ZBTB16: variants seen among roughly 807,000 people sequenced by gnomAD.
ZBTB16 encodes the protein zinc finger and BTB domain containing 16, also known as zinc finger and BTB domain-containing protein 16.
Under a neutral mutation model 56.8 loss-of-function variants are expected in ZBTB16, and 8 were observed. The observed-to-expected ratio is 0.14, with a 90% CI of 0.08 to 0.25. The LOEUF is 0.25. Among genes scored for constraint, ZBTB16 ranks in the 10% least tolerant of loss-of-function variants. The pLI is 1.00. For synonymous variants in ZBTB16, 363 were observed against 368.5 expected, an observed-to-expected ratio of 0.98 and a Z score of 0.17; for missense variants, 625 against 903.0, an observed-to-expected ratio of 0.69 and a Z score of 3.95.
intron 5 of ZBTB16, 29 bp downstream of exon 5, chr11:114,242,366 T>G (rs1294397504): frequency 6.2e-7 from 1 of 1,611,040 alleles, no homozygotes; most frequent in East Asian, 2.2e-5. Flanking sequence ...TGGGTGGATC[T>G]GGGTCTCTGG....
intron 2 of ZBTB16, among the ~76,000 whole-genome samples, chr11:114,074,641 C>T (rs1019250366): frequency 2.0e-5 from 3 of 152,230 alleles, no homozygotes; most frequent in Non-Finnish European, 2.9e-5. Flanking sequence ...GCATCATAAC[C>T]CACTAATGGG....
chr11:114,095,248 T>TTCTTTC (rs1327021438), intron 2 of ZBTB16, among the ~76,000 whole-genome samples: 9 of 102,922 alleles, frequency 8.7e-5, no homozygotes, highest in Non-Finnish European at 1.4e-4. Flanking sequence ...TTCTTTTCTT[T>TTCTTTC]TTTTTTTTTT....
chr11:114,232,653 G>T (rs1481242931), intron 4 of ZBTB16, among the ~76,000 whole-genome samples: 1 of 152,220 alleles, frequency 6.6e-6, no homozygotes, highest in Admixed American at 6.5e-5. Context: ...AGCTGGGCTA[G>T]GTTAGGCTAC....
chr11:114,154,386 C>T (rs947884172), intron 2 of ZBTB16, among the ~76,000 whole-genome samples: 3 of 152,160 alleles, frequency 2.0e-5, no homozygotes, highest in Admixed American at 6.5e-5. Context: ...TGACTGTGTG[C>T]GAGTTCACCT....
At chr11:114,073,302 A>T (rs533550326) in intron 2 of ZBTB16, among the ~76,000 whole-genome samples, 94 of 152,310 alleles carry the variant, frequency 6.2e-4, no homozygotes, top group African/African-American at 2.2e-3. Context: ...GCTTCTAGTG[A>T]TAGAGGCCTT....
intron 2 of ZBTB16, among the ~76,000 whole-genome samples, chr11:114,144,150 C>G (rs1380774524): frequency 6.6e-6 from 1 of 151,460 alleles, no homozygotes; most frequent in African/African-American, 2.4e-5. Flanking sequence ...GCACACAATC[C>G]CCTTTCTCTG....
intron 3 of ZBTB16, among the ~76,000 whole-genome samples, chr11:114,159,595 A>T (rs1343709706): frequency 6.6e-6 from 1 of 152,158 alleles, no homozygotes; most frequent in African/African-American, 2.4e-5. Context: ...TTGTTTGGCC[A>T]CTGTTAAACA....
chr11:114,132,952 ACT>A (rs140842681), intron 2 of ZBTB16, among the ~76,000 whole-genome samples: 7,677 of 151,880 alleles, frequency 0.051, 217 homozygotes, highest in Middle Eastern at 0.13. Context: ...TTCCTATAAA[ACT>A]CTGTTATTAC....
chr11:114,077,793 A>G (rs991251581), intron 2 of ZBTB16, among the ~76,000 whole-genome samples: 3 of 152,196 alleles, frequency 2.0e-5, no homozygotes, highest in African/African-American at 4.8e-5. Context: ...CAGGGTTGCA[A>G]CTGAAGAAAA....
At chr11:114,172,342 C>T (rs1942991530) in intron 3 of ZBTB16, among the ~76,000 whole-genome samples, 1 of 152,214 alleles carries the variant, frequency 6.6e-6, no homozygotes, top group South Asian at 2.1e-4. Context: ...TGGCAGCTGA[C>T]ATTTCCTGGA....
intron 4 of ZBTB16, among the ~76,000 whole-genome samples, chr11:114,210,192 T>TGTGTGTGTGTGCGC (rs773801156): frequency 1.7e-4 from 24 of 143,342 alleles, no homozygotes; most frequent in African/African-American, 5.8e-4. Context: ...TGTGTGTGTG[T>TGTGTGTGTGTGCGC]GCGTGCGCGC....
intron 4 of ZBTB16, among the ~76,000 whole-genome samples, chr11:114,200,585 C>G (rs1188451744): frequency 6.6e-6 from 1 of 152,178 alleles, no homozygotes; most frequent in Non-Finnish European, 1.5e-5. Context: ...AGTGGCAGGA[C>G]TGGGATTCCA....
chr11:114,213,302 A>G (rs1201941826), intron 4 of ZBTB16, among the ~76,000 whole-genome samples: 2 of 152,192 alleles, frequency 1.3e-5, no homozygotes, highest in Non-Finnish European at 2.9e-5. Context: ...TAGGACTCGC[A>G]TAAATTCACG....
chr11:114,105,770 G>A (rs1053622013), intron 2 of ZBTB16, among the ~76,000 whole-genome samples: 1 of 152,130 alleles, frequency 6.6e-6, no homozygotes, highest in Non-Finnish European at 1.5e-5. Flanking sequence ...TTAGAAGGAA[G>A]ACAAATACTT....
At chr11:114,228,842 A>G (rs1250870615) in intron 4 of ZBTB16, among the ~76,000 whole-genome samples, 3 of 152,182 alleles carry the variant, frequency 2.0e-5, no homozygotes, top group African/African-American at 2.4e-5. Context: ...AGGGAGCCAT[A>G]TGGTCCTTTG....
At chr11:114,218,123 G>A (rs1399554368) in intron 4 of ZBTB16, among the ~76,000 whole-genome samples, 1 of 152,142 alleles carries the variant, frequency 6.6e-6, no homozygotes, top group East Asian at 1.9e-4. Context: ...TGCTTCCAGG[G>A]GGATTGGATG....
intron 2 of ZBTB16, among the ~76,000 whole-genome samples, chr11:114,091,433 C>T (rs1627853): frequency 0.85 from 128,287 of 151,394 alleles, 56,685 homozygotes; most frequent in Non-Finnish European, 0.98. Flanking sequence ...CTCTCAACTC[C>T]TGGCCTGTGG....
In ZBTB16 at chr11:114,063,579, A is replaced by T. The variant is rs1325466527; in HGVS notation, c.279A>T (p.Gln93His). Residue 93 changes from glutamine (Q) to histidine (H), a missense_variant, in exon 2 of 7, where the codon CAA (glutamine) becomes CAT (histidine). Coordinates refer to ENST00000335953, the MANE Select transcript of ZBTB16 (RefSeq NM_006006.6). This position sits in a 1 kb window ranked among gnomAD's most constrained non-coding sequence, Gnocchi z 6.5. ...AGTATGCATATACAGCCACGCTGCAAGCCAAGGCGGAGGACCTGGATGACC... is the reference window on the plus strand; with the variant it reads ...AGTATGCATATACAGCCACGCTGCATGCCAAGGCGGAGGACCTGGATGACC... ...ILEYAYTATLQAKAEDLDDLL... is the reference protein window; with the variant it reads ...ILEYAYTATLHAKAEDLDDLL... 1 of 1,614,098 alleles carries T rather than the reference A, an allele frequency of 6.2e-7. No individual in the cohort carries two copies. The highest frequency in any genetic ancestry group is 1.7e-5 in the Admixed American group (1 of 60,004).
chr11:114,180,505 T>A (rs1021418405), intron 3 of ZBTB16, among the ~76,000 whole-genome samples: 2 of 151,950 alleles, frequency 1.3e-5, no homozygotes, highest in African/African-American at 4.8e-5. Flanking sequence ...GAGAGGGAGA[T>A]CTCACACCAG....
Sources: gnomAD v4.1 joint callset for allele counts (sites outside exome capture counted in the v4.1 genomes callset) on GRCh38, gnomAD v4.1.1 for gene constraint, Gnocchi (gnomAD v3.1) non-coding constraint, MANE v1.5 for transcripts, NCBI Gene and HGNC (gene_info 2026-07-23, HGNC 2026-07-21) for gene names.